Variants in ADGRE3 observed in about 807,000 individuals in gnomAD.
ADGRE3 encodes EGF-like module receptor 3.
Under a neutral mutation model 80.1 loss-of-function variants are expected in ADGRE3, and 88 were observed. The observed-to-expected ratio is 1.10, with a 90% CI of 0.93 to 1.31. ADGRE3 has a LOEUF of 1.31. ADGRE3 is among the 40% of genes most tolerant of loss of function. The probability of loss-of-function intolerance (pLI) is 0.00; values close to 1 mark genes in which losing one functional copy is unlikely to be tolerated. For synonymous variants in ADGRE3, 281 were observed against 294.8 expected (o/e 0.95, Z 0.48); for missense variants, 715 against 776.5 (o/e 0.92, Z 0.94).
intron 3 of ADGRE3, among the ~76,000 whole-genome samples, chr19:14,662,711 C>T (rs372453140): frequency 1.8e-4 from 28 of 151,892 alleles, no homozygotes; most frequent in African/African-American, 5.8e-4. Flanking sequence ...CTTAAATGAA[C>T]GGCCAAGTTT....
At chr19:14,644,523 C>T (rs1210120019) in intron 8 of ADGRE3, among the ~76,000 whole-genome samples, 2 of 151,836 alleles carry the variant, frequency 1.3e-5, no homozygotes, top group Non-Finnish European at 2.9e-5. Flanking sequence ...GTCAACCGTG[C>T]TGCCCAGGCT....
In ADGRE3 at chr19:14,647,699, T is replaced by C. The variant is rs532817552; in HGVS notation, c.698-334A>G. On this transcript the variant is annotated intron_variant, in intron 7 of 15. Transcript: ENST00000253673. Reference sequence around the variant, plus strand: ...TCCCAAAGTGCTGGGATTACAGGCATGAGCCACCATGCCCGGTCTGCCGTT... The same window carrying C: ...TCCCAAAGTGCTGGGATTACAGGCACGAGCCACCATGCCCGGTCTGCCGTT... 7.9e-5 allele frequency among the ~76,000 whole-genome samples: 12 copies of C among 151,840 alleles called. No homozygotes were observed. In the East Asian group the frequency reaches 2.0e-3, roughly 25 times the overall value.
chr19:14,645,059 A>T lies in ADGRE3; in HGVS notation c.883-784T>A, dbSNP rs1362017423. Among the ~76,000 whole-genome samples the T allele has an allele frequency of 2.6e-5, 4 of 152,164 alleles. No individual in the cohort carries two copies. The East Asian group carries it at 7.7e-4, about 29-fold the overall frequency. On this transcript the variant is annotated intron_variant, in intron 8 of 15. Transcript: ENST00000253673. ...ATGCGGCCACCAGGACCCCCGATCCATAACCGCAGCTCTTTTGGGATTTTA... is the reference window on the plus strand; with the variant it reads ...ATGCGGCCACCAGGACCCCCGATCCTTAACCGCAGCTCTTTTGGGATTTTA...
chr19:14,626,896 G>T (rs1433397947), intron 14 of ADGRE3, among the ~76,000 whole-genome samples: 1 of 152,166 alleles, frequency 6.6e-6, no homozygotes, highest in East Asian at 1.9e-4. Flanking sequence ...TTACTCTTTG[G>T]CATCACCAGT....
chr19:14,638,816 C>T (rs1433029076), intron 10 of ADGRE3, among the ~76,000 whole-genome samples: 1 of 152,146 alleles, frequency 6.6e-6, no homozygotes, highest in Non-Finnish European at 1.5e-5. Context: ...CTGAGAACCT[C>T]CATTCTACTC....
chr19:14,612,367 G>A, the ADGRE3 span, among the ~76,000 whole-genome samples: 1 of 151,976 alleles, frequency 6.6e-6, no homozygotes, highest in Non-Finnish European at 1.5e-5. Flanking sequence ...ACAGGGTCTC[G>A]CTCTGTCACT....
intron 2 of ADGRE3, among the ~76,000 whole-genome samples, chr19:14,665,029 C>G (rs1425708169): frequency 6.7e-6 from 1 of 149,446 alleles, no homozygotes; most frequent in African/African-American, 2.5e-5. Flanking sequence ...GAATTTTTTC[C>G]ACAGCTTCAC....
intron 1 of ADGRE3, among the ~76,000 whole-genome samples, chr19:14,669,682 G>T (rs1483009397): frequency 2.6e-5 from 4 of 151,876 alleles, no homozygotes; most frequent in Non-Finnish European, 5.9e-5. Flanking sequence ...AGAGAGGTGG[G>T]TTTCACCATG....
the ADGRE3 span, among the ~76,000 whole-genome samples, chr19:14,612,836 T>C: frequency 1.3e-5 from 2 of 152,032 alleles, no homozygotes; most frequent in East Asian, 3.8e-4. Flanking sequence ...CTGGTACTAC[T>C]CCCAGCTAGG....
At chr19:14,603,717 T>C in the ADGRE3 span, among the ~76,000 whole-genome samples, 17 of 152,054 alleles carry the variant, frequency 1.1e-4, no homozygotes, top group African/African-American at 3.9e-4. Flanking sequence ...CTGCTCCCCT[T>C]GACCTCCCGA....
chr19:14,617,617 C>T (rs1295261476), downstream of ADGRE3, among the ~76,000 whole-genome samples: 5 of 151,892 alleles, frequency 3.3e-5, no homozygotes, highest in South Asian at 2.1e-4. Context: ...AGGCTGGTCT[C>T]GAACTCCTGA....
intron 7 of ADGRE3, among the ~76,000 whole-genome samples, chr19:14,650,189 C>T (rs1435273971): frequency 1.4e-5 from 2 of 140,936 alleles, no homozygotes; most frequent in African/African-American, 5.3e-5. Context: ...CCCCATCTCT[C>T]TCTTTGCATC....
rs1157393032 is a variant in ADGRE3, at chr19:14,621,587, T to A, written c.1921-2116A>T. ...AGCTACCTAACTGTGACTATGGAAATTGCTACTTTGCATTCAGTGTTGTGG... is the reference window on the plus strand; with the variant it reads ...AGCTACCTAACTGTGACTATGGAAAATGCTACTTTGCATTCAGTGTTGTGG... On this transcript the variant is annotated intron_variant, in intron 15 of 15. Transcript: ENST00000253673. The A allele has an allele frequency of 3.0e-6, 2 of 669,066 alleles. 1 individual carries two copies. The highest frequency in any genetic ancestry group is 8.5e-5 in the African/African-American group (2 of 23,418). 41.4% of individuals were successfully genotyped at this position (669,066 alleles called of 1,614,324 possible). A position where few individuals can be genotyped will look rare whatever the true frequency, so the allele number is the denominator to read the frequency against.
At chr19:14,659,555 G>T (rs1971878096) in intron 4 of ADGRE3, among the ~76,000 whole-genome samples, 1 of 151,854 alleles carries the variant, frequency 6.6e-6, no homozygotes, top group Non-Finnish European at 1.5e-5. Flanking sequence ...TTGAGGAAGG[G>T]TGCACCTGTA....
At chr19:14,613,145 C>T in the ADGRE3 span, among the ~76,000 whole-genome samples, 3 of 151,858 alleles carry the variant, frequency 2.0e-5, no homozygotes, top group African/African-American at 4.8e-5. Flanking sequence ...AGGCTGGTCT[C>T]GAACTCCTGA....
the ADGRE3 span, among the ~76,000 whole-genome samples, chr19:14,605,986 C>G: frequency 6.6e-6 from 1 of 152,116 alleles, no homozygotes; most frequent in Non-Finnish European, 1.5e-5. Context: ...GCGATCCTCC[C>G]TCCTTGGCTA....
In ADGRE3 at chr19:14,656,943, TG is replaced by T. The variant is rs553840688; in HGVS notation, c.393+1569del. 2.3e-3 allele frequency among the ~76,000 whole-genome samples: 348 copies of T among 152,322 alleles called. 5 individuals are homozygous for T. Among genetic ancestry groups the T allele is most frequent in the African/African-American group, 7.7e-3 (320 of 41,574 alleles). On this transcript the variant is annotated intron_variant, in intron 5 of 15. Transcript: ENST00000253673. ...TGGAGTCTTACTCTGTTGCCCAGGC[TG>T]GAGTGCAGTGACGTGATCTCAGCTC...
chr19:14,603,981 A>C, the ADGRE3 span, among the ~76,000 whole-genome samples: 1 of 152,182 alleles, frequency 6.6e-6, no homozygotes, highest in Non-Finnish European at 1.5e-5. Flanking sequence ...TGGGCCATCT[A>C]GGCTGCCCCT....
chr19:14,613,125 C>T, the ADGRE3 span, among the ~76,000 whole-genome samples: 1 of 152,132 alleles, frequency 6.6e-6, no homozygotes, highest in Non-Finnish European at 1.5e-5. Context: ...AGGGCTTTGC[C>T]ATGTTGGCCA....
Sources: allele counts gnomAD v4.1 joint callset (sites outside exome capture counted in the v4.1 genomes callset), GRCh38; gene constraint gnomAD v4.1.1; transcripts MANE v1.5; gene names NCBI Gene and HGNC (gene_info 2026-07-23, HGNC 2026-07-21).